DMTF1: variants seen among roughly 807,000 people sequenced by gnomAD.
The protein encoded by DMTF1 is cyclin-D-binding Myb-like transcription factor 1.
A neutral mutation model predicts 91.1 loss-of-function variants in DMTF1; 39 were observed. That is an observed-to-expected ratio of 0.43 (90% confidence interval 0.33 to 0.56). DMTF1 has a LOEUF of 0.56. Among genes scored for constraint, DMTF1 ranks in the 20% least tolerant of loss-of-function variants. The probability of loss-of-function intolerance (pLI) is 0.05; values close to 1 mark genes in which losing one functional copy is unlikely to be tolerated. For synonymous variants in DMTF1, 338 were observed against 309.5 expected (o/e 1.09, Z -0.97); for missense variants, 750 against 914.5 (o/e 0.82, Z 2.32).
chr7:87,193,622 G>C (rs1584482871), intron 15 of DMTF1, 103 bp from the exon 16 acceptor site: 1 of 1,146,666 alleles, frequency 8.7e-7, no homozygotes, highest in Non-Finnish European at 1.2e-6. Context: ...AGTGATAAAA[G>C]TATTTACAGT....
At chr7:87,170,096 T>G (rs558791797) in intron 4 of DMTF1, among the ~76,000 whole-genome samples, 36 of 152,308 alleles carry the variant, frequency 2.4e-4, no homozygotes, top group African/African-American at 6.7e-4. Context: ...TAGTAGCAGG[T>G]GTATTCTTCC....
intron 5 of DMTF1, 125 bp downstream of exon 5, chr7:87,171,214 G>A: frequency 1.8e-6 from 1 of 552,500 alleles, no homozygotes; most frequent in Non-Finnish European, 3.1e-6. Context: ...CTGTGCCCAG[G>A]TTTAGCCCTT....
At chr7:87,184,673 G>A (rs779797315) in intron 11 of DMTF1, 48 bp downstream of exon 11, 12 of 1,523,182 alleles carry the variant, frequency 7.9e-6, no homozygotes, top group Middle Eastern at 3.4e-4. Flanking sequence ...AATTTCTGTG[G>A]ATGTCTTGAT....
intron 1 of DMTF1, 72 bp downstream of exon 1, chr7:87,152,627 C>T (rs895898125): frequency 3.3e-5 from 5 of 152,814 alleles, no homozygotes; most frequent in Non-Finnish European, 7.3e-5. Flanking sequence ...TGTCCGGCCC[C>T]CTTGCTGCCC....
chr7:87,172,897 A>C (rs1383372766), intron 5 of DMTF1, among the ~76,000 whole-genome samples: 1 of 152,264 alleles, frequency 6.6e-6, no homozygotes, highest in African/African-American at 2.4e-5. Flanking sequence ...CTGCATTAAG[A>C]ATAAGTAGTA....
chr7:87,169,464 A>G (rs1397112945), intron 4 of DMTF1, among the ~76,000 whole-genome samples: 3 of 152,188 alleles, frequency 2.0e-5, no homozygotes, highest in African/African-American at 7.2e-5. Flanking sequence ...TCAAAAAAAT[A>G]AATAAAAAGT....
chr7:87,153,168 C>T (rs1039984146), intron 1 of DMTF1, among the ~76,000 whole-genome samples: 2 of 152,000 alleles, frequency 1.3e-5, no homozygotes, highest in South Asian at 2.1e-4. Flanking sequence ...CAGCCTTGCT[C>T]GGCGATTCAC....
At chr7:87,185,757 C>A in intron 11 of DMTF1, 72 bp from the exon 12 acceptor site, 1 of 1,535,964 alleles carries the variant, frequency 6.5e-7, no homozygotes, top group Non-Finnish European at 9.0e-7. Flanking sequence ...AGTGCAATTA[C>A]CTGTAGTCAG....
intron 1 of DMTF1, among the ~76,000 whole-genome samples, chr7:87,160,700 G>A (rs951878437): frequency 2.6e-5 from 4 of 152,128 alleles, no homozygotes; most frequent in African/African-American, 7.2e-5. Context: ...AGATTACGTA[G>A]CTACTTCTCA....
intron 6 of DMTF1, 77 bp downstream of exon 6, chr7:87,173,726 G>T (rs1795630076): frequency 3.9e-6 from 3 of 775,906 alleles, no homozygotes; most frequent in Non-Finnish European, 5.9e-6. Context: ...TCAGGATTCT[G>T]AGTTGGACCT....
chr7:87,194,872 T>G, intron 17 of DMTF1, 44 bp downstream of exon 17: 3 of 1,563,888 alleles, frequency 1.9e-6, no homozygotes, highest in Non-Finnish European at 2.6e-6. Context: ...AAATTTTAGA[T>G]GGAAAAAAAC....
Position 87,195,306 on chromosome 7 carries a change from A to G in DMTF1, c.*166A>G. On this transcript the variant is annotated 3_prime_UTR_variant, in exon 18 of 18. Transcript: ENST00000331242. ...TGCTATGACTTTTTACCTCCTTTAA[A>G]CACATCATCTGAGGTTGAGTTTTAT... is the stretch of plus-strand genomic sequence containing the variant. The G allele has an allele frequency of 1.8e-6, 1 of 552,690 alleles. No homozygotes were observed. The allele number at this position is 552,690 out of a possible 1,614,324, so 34.2% of individuals were successfully genotyped here.
intron 1 of DMTF1, among the ~76,000 whole-genome samples, chr7:87,161,797 TTTTGC>T (rs1792491799): frequency 6.6e-6 from 1 of 152,174 alleles, no homozygotes; most frequent in Admixed American, 6.5e-5. Flanking sequence ...GCATTGTACT[TTTTGC>T]TTTGAAGTTT....
chr7:87,187,092 C>A (rs1217489508), intron 12 of DMTF1: 2 of 152,138 alleles, frequency 1.3e-5, no homozygotes, highest in African/African-American at 4.8e-5. Context: ...GCCTGTTTTG[C>A]ATTTAGGTAT....
chr7:87,154,955 A>C (rs11981115), intron 1 of DMTF1, among the ~76,000 whole-genome samples: 5,617 of 152,278 alleles, frequency 0.037, 128 homozygotes, highest in East Asian at 0.065. Context: ...ATCTCTCCAA[A>C]ATCTACAGAC....
In DMTF1 at chr7:87,193,176, C is replaced by T. The variant is rs573751417; in HGVS notation, c.1495-22C>T. 86 of 1,611,520 alleles carry T rather than the reference C, an allele frequency of 5.3e-5. No homozygotes were observed. In the Admixed American group the frequency reaches 1.0e-3, roughly 19 times the overall value. The stretch of plus-strand genomic sequence containing the variant: ...AAAAGTAGACTTAATCATTGTTAAA[C>T]TATCTTTCCTTTTTCCTTTAGTCTT... On this transcript the variant is annotated intron_variant, in intron 14 of 17. Transcript: ENST00000331242.
chr7:87,183,549 C>T (rs1437945832), intron 10 of DMTF1, among the ~76,000 whole-genome samples: 1 of 152,192 alleles, frequency 6.6e-6, no homozygotes, highest in East Asian at 1.9e-4. Flanking sequence ...GTCTTGAATC[C>T]ATCCACAGTA....
At chr7:87,194,948 C>A in intron 17 of DMTF1, 83 bp from the exon 18 acceptor site, 1 of 1,446,516 alleles carries the variant, frequency 6.9e-7, no homozygotes, top group South Asian at 1.2e-5. Flanking sequence ...TTGAGTTCTA[C>A]ACTGTGGTAG....
intron 16 of DMTF1, 118 bp downstream of exon 16, chr7:87,194,220 T>TC: frequency 8.7e-7 from 1 of 1,143,600 alleles, no homozygotes; most frequent in East Asian, 2.5e-5. Flanking sequence ...ACCTCACACC[T>TC]CACAAAGTGT....
Sources: gnomAD v4.1 joint callset for allele counts (sites outside exome capture counted in the v4.1 genomes callset) on GRCh38, gnomAD v4.1.1 for gene constraint, MANE v1.5 for transcripts, NCBI Gene and HGNC (gene_info 2026-07-23, HGNC 2026-07-21) for gene names.